The following GRK6 variants were observed in gnomAD, a reference collection of about 807,000 sequenced individuals.
The protein encoded by GRK6 is G protein-coupled receptor kinase 6.
A neutral mutation model predicts 80.8 loss-of-function variants in GRK6; 37 were observed. That is an observed-to-expected ratio of 0.46 (90% CI 0.35 to 0.60). The LOEUF (loss-of-function observed/expected upper bound fraction) is 0.60. Among genes scored for constraint, GRK6 ranks in the 20% least tolerant of loss-of-function variants. GRK6 has a pLI of 0.00. For missense variants in GRK6, 560 were observed against 784.6 expected, an observed-to-expected ratio of 0.71 and a Z score of 3.42; for synonymous variants, 295 against 320.9, an observed-to-expected ratio of 0.92 and a Z score of 0.86.
intron 9 of GRK6, among the ~76,000 whole-genome samples, chr5:177,434,488 C>G (rs916825657): frequency 7.9e-5 from 12 of 152,206 alleles, no homozygotes; most frequent in African/African-American, 2.9e-4. Flanking sequence ...GAGTGCCTGG[C>G]ACATGGGGCT....
In GRK6 at chr5:177,440,966, T is replaced by C. The variant is rs1481371418; in HGVS notation, c.1590T>C (p.Asp530=). 2 of 1,613,972 alleles carry C rather than the reference T, an allele frequency of 1.2e-6. No homozygotes were observed. The highest frequency in any genetic ancestry group is 2.2e-5 in the East Asian group (1 of 44,882). Residue 530 remains aspartate (D), a synonymous_variant, in exon 15 of 16, where the codon GAT becomes GAC. Transcript: ENST00000355472. ...AAGAGCTGAATGTCTTTGGGCTGGA[T>C]GGCTCAGTTCCCCCAGACCTGGACT... ...CFQELNVFGL[D]GSVPPDLDWK...
chr5:177,426,315 T>A (rs1284857226), upstream of GRK6, among the ~76,000 whole-genome samples: 2 of 152,250 alleles, frequency 1.3e-5, no homozygotes, highest in Non-Finnish European at 2.9e-5. Flanking sequence ...GTACTTGAGA[T>A]GACGGACGTC....
At chr5:177,441,650 C>T (rs1471820574) in intron 15 of GRK6, 87 bp from the exon 16 acceptor site, 2 of 1,126,238 alleles carry the variant, frequency 1.8e-6, no homozygotes, top group African/African-American at 1.5e-5. Flanking sequence ...CCTGCCCTGG[C>T]AGGGTCGGCC....
rs112532392 is a variant in GRK6 at position 177,433,821 on chromosome 5, C to A, written c.739-93C>A. The A allele has an allele frequency of 1.5e-5, 22 of 1,491,084 alleles. No individual in the cohort carries two copies. In the African/African-American group the frequency reaches 1.7e-4, roughly 11 times the overall value. The allele number at this position is 1,491,084 out of a possible 1,614,324, so 92.4% of individuals were successfully genotyped here. A position where few individuals can be genotyped will look rare whatever the true frequency, so the allele number is the denominator to read the frequency against. ...ACCAGGCTTGGGGAGCAGGCTGGGC[C>A]CAAGGAGTGGCACCGAGAAGGCTTT... On this transcript the variant is annotated intron_variant, in intron 8 of 15. Transcript: ENST00000355472.
chr5:177,435,235 G>C, intron 11 of GRK6, 114 bp downstream of exon 11: 1 of 724,900 alleles, frequency 1.4e-6, no homozygotes, highest in South Asian at 1.9e-5. Flanking sequence ...CAGTAGAAAG[G>C]GCCCATGCCG....
In GRK6 at chr5:177,426,687, G is replaced by A. The variant is rs1581669964; in HGVS notation, c.-159G>A. 1 of 195,368 alleles carries A rather than the reference G, an allele frequency of 5.1e-6. No homozygotes were observed. Among genetic ancestry groups the A allele is most frequent in the African/African-American group, 2.4e-5 (1 of 41,948 alleles). 12.1% of individuals were successfully genotyped at this position (195,368 alleles called of 1,614,324 possible). A position where few individuals can be genotyped will look rare whatever the true frequency, so the allele number is the denominator to read the frequency against. On this transcript the variant is annotated 5_prime_UTR_variant, in exon 1 of 16. Transcript: ENST00000355472. ...CCCCGGGAGGGGGCGGAGAGTGCGC[G>A]GCTGGCTGCGGCGGCCGGGGAGGCC... is the stretch of plus-strand genomic sequence containing the variant.
At position 177,430,856 on chromosome 5, in the gene GRK6, C is replaced by T. The variant is rs1256956567; in HGVS notation, c.53-16C>T. ...GGCAGTGGGACTCGAGACCCAGTGT[C>T]CTATTGCTCCCACAGGTGGCGGTGG... On this transcript the variant is annotated splice_polypyrimidine_tract_variant and intron_variant, in intron 1 of 15. Coordinates refer to ENST00000355472, the MANE Select transcript of GRK6 (RefSeq NM_001004106.3). The T allele has an allele frequency of 2.5e-6, 4 of 1,612,276 alleles. No homozygotes were observed. The highest frequency in any genetic ancestry group is 2.2e-5 in the East Asian group (1 of 44,884).
intron 1 of GRK6, chr5:177,430,540 C>T (rs538225786): frequency 1.2e-5 from 4 of 339,890 alleles, no homozygotes; most frequent in East Asian, 1.4e-4. Context: ...AGCACTGTGA[C>T]GTCCTTCTCC....
intron 13 of GRK6, 106 bp from the exon 14 acceptor site, chr5:177,440,594 G>T: frequency 7.5e-7 from 1 of 1,330,660 alleles, no homozygotes; most frequent in Admixed American, 2.0e-5. Flanking sequence ...GAGAGCTGCT[G>T]GTGTCAGGCA....
At chr5:177,435,788 T>C (rs979875311) in intron 11 of GRK6, among the ~76,000 whole-genome samples, 7 of 152,174 alleles carry the variant, frequency 4.6e-5, no homozygotes, top group African/African-American at 1.7e-4. Flanking sequence ...TGGCCTACAT[T>C]TGTGTTTAAG....
rs577440320 is a variant in GRK6, at chr5:177,428,239, C to T, written c.52+1342C>T. Among the ~76,000 whole-genome samples the T allele has an allele frequency of 2.9e-4, 44 of 152,344 alleles. No homozygotes were observed. The East Asian group carries it at 8.1e-3, about 28-fold the overall frequency. Reference sequence around the variant, plus strand: ...GGAGGAGGGGTGGGGAGGGCCGAAACAGGCCTTCTTCCCTAGGGCTGTAGC... The same window carrying T: ...GGAGGAGGGGTGGGGAGGGCCGAAATAGGCCTTCTTCCCTAGGGCTGTAGC... On this transcript the variant is annotated intron_variant, in intron 1 of 15. Coordinates refer to ENST00000355472, the MANE Select transcript of GRK6 (RefSeq NM_001004106.3). The surrounding 1 kb of genome is among the most constrained non-coding windows in gnomAD (Gnocchi z 4.1).
At chr5:177,430,026 T>C (rs1763821506) in intron 1 of GRK6, among the ~76,000 whole-genome samples, 1 of 152,132 alleles carries the variant, frequency 6.6e-6, no homozygotes, top group East Asian at 1.9e-4. Context: ...AGTGAGTTTT[T>C]TTTTTTTTTT....
intron 2 of GRK6, among the ~76,000 whole-genome samples, chr5:177,431,411 G>T (rs556945533): frequency 1.3e-5 from 2 of 152,220 alleles, no homozygotes; most frequent in East Asian, 3.9e-4. Flanking sequence ...CAGTGTGACA[G>T]GGTTACTCCT....
chr5:177,433,448 G>T (rs772639715), intron 7 of GRK6, 38 bp downstream of exon 7: 1 of 1,611,378 alleles, frequency 6.2e-7, no homozygotes, highest in South Asian at 1.1e-5. Context: ...AGAGTGAATA[G>T]GGTGGGTGTG....
chr5:177,433,739 C>A, intron 8 of GRK6, 63 bp downstream of exon 8: 1 of 1,588,914 alleles, frequency 6.3e-7, no homozygotes, highest in Non-Finnish European at 8.6e-7. Flanking sequence ...CGTCCCCACC[C>A]CCCAGGCCCC....
At chr5:177,436,575 T>TGGGGCTCA (rs745613642) in intron 13 of GRK6, 45 bp downstream of exon 13, 24 of 1,517,774 alleles carry the variant, frequency 1.6e-5, no homozygotes, top group Non-Finnish European at 2.1e-5. Flanking sequence ...CAGCCAGGGC[T>TGGGGCTCA]GGGGCTCAGG....
intron 13 of GRK6, among the ~76,000 whole-genome samples, chr5:177,437,409 G>A (rs927567526): frequency 1.3e-5 from 2 of 152,150 alleles, no homozygotes; most frequent in East Asian, 1.9e-4. Flanking sequence ...TTCCCCAGAG[G>A]AAAACTACAA....
rs1763766127 is a variant in GRK6, at chr5:177,428,645, G to A, written c.52+1748G>A. Among the ~76,000 whole-genome samples the A allele has an allele frequency of 1.3e-5, 2 of 152,204 alleles. No individual in the cohort carries two copies. Among genetic ancestry groups the A allele is most frequent in the South Asian group, 4.1e-4 (2 of 4,830 alleles). On this transcript the variant is annotated intron_variant, in intron 1 of 15. Transcript: ENST00000355472. The surrounding 1 kb of genome is among the most constrained non-coding windows in gnomAD (Gnocchi z 4.1). ...TTGGCCTGGCTGGTCTTGAACTCCT[G>A]ACCTCAAGTGATCCGCCTGCCTCTG...
intron 1 of GRK6, 89 bp from the exon 2 acceptor site, chr5:177,430,783 G>T: frequency 8.9e-7 from 1 of 1,120,356 alleles, no homozygotes; most frequent in Non-Finnish European, 1.3e-6. Flanking sequence ...TGCCTTGGCT[G>T]GGCCCTAGAG....
Sources: gnomAD v4.1 joint callset for allele counts (sites outside exome capture counted in the v4.1 genomes callset) on GRCh38, gnomAD v4.1.1 for gene constraint, Gnocchi (gnomAD v3.1) non-coding constraint, MANE v1.5 for transcripts, NCBI Gene and HGNC (gene_info 2026-07-23, HGNC 2026-07-21) for gene names.